The following ADRA1B variants were observed in gnomAD, a reference collection of about 807,000 sequenced individuals.
ADRA1B encodes adrenoceptor alpha 1B, also known as alpha-1B adrenergic receptor.
ADRA1B carries 17 observed loss-of-function variants against 17.9 expected under a neutral mutation model. That is an observed-to-expected ratio of 0.95 (90% CI 0.65 to 1.42). ADRA1B has a LOEUF of 1.42. Ranked by LOEUF, ADRA1B falls within the 40% of genes most tolerant of loss-of-function variation. The probability of loss-of-function intolerance (pLI) is 0.00; values close to 1 mark genes in which losing one functional copy is unlikely to be tolerated. For missense variants in ADRA1B, 681 were observed against 722.1 expected (o/e 0.94, Z 0.65); for synonymous variants, 366 against 327.6 (o/e 1.12, Z -1.27).
chr5:159,931,009 T>G (rs1334448984), intron 1 of ADRA1B, among the ~76,000 whole-genome samples: 1 of 147,366 alleles, frequency 6.8e-6, no homozygotes, highest in African/African-American at 2.5e-5. Context: ...TTTATAATAT[T>G]TATTATATAT....
intron 1 of ADRA1B, chr5:159,870,351 A>C (rs1753721201): frequency 6.6e-6 from 1 of 152,218 alleles, no homozygotes; most frequent in African/African-American, 2.4e-5. Context: ...CAGTTTGTGC[A>C]TCAAGACTCA....
chr5:159,940,305 A>G (rs1755091766), intron 1 of ADRA1B, among the ~76,000 whole-genome samples: 1 of 152,188 alleles, frequency 6.6e-6, no homozygotes, highest in African/African-American at 2.4e-5. Flanking sequence ...CCACATCGAT[A>G]TCTAATCAAC....
At chr5:159,937,875 T>C (rs981584970) in intron 1 of ADRA1B, 3 of 152,238 alleles carry the variant, frequency 2.0e-5, no homozygotes, top group African/African-American at 7.2e-5. Flanking sequence ...AGTTTGTCTT[T>C]AGTGACCCAT....
At chr5:159,971,361 T>G (rs541527297) in intron 1 of ADRA1B, among the ~76,000 whole-genome samples, 1 of 152,280 alleles carries the variant, frequency 6.6e-6, no homozygotes, top group South Asian at 2.1e-4. Context: ...TCTTCACCCC[T>G]AGATCAAAAA....
intron 1 of ADRA1B, among the ~76,000 whole-genome samples, chr5:159,967,143 C>T (rs970165264): frequency 3.3e-5 from 5 of 151,780 alleles, no homozygotes; most frequent in Admixed American, 3.3e-4. Flanking sequence ...TTTTGTAATA[C>T]GTATTTTTTA....
upstream of ADRA1B, among the ~76,000 whole-genome samples, chr5:159,913,163 G>T (rs1275990213): frequency 6.6e-6 from 1 of 152,174 alleles, no homozygotes; most frequent in East Asian, 1.9e-4. Flanking sequence ...AACATCAGAG[G>T]TTTCTAATGC....
chr5:159,982,553 T>G, the ADRA1B span, among the ~76,000 whole-genome samples: 5 of 152,152 alleles, frequency 3.3e-5, no homozygotes, highest in African/African-American at 1.2e-4. Flanking sequence ...TCAAGGTAAT[T>G]AGTCCAAGAT....
chr5:159,947,193 T>A (rs2113249852), intron 1 of ADRA1B, among the ~76,000 whole-genome samples: 1 of 151,952 alleles, frequency 6.6e-6, no homozygotes, highest in Admixed American at 6.6e-5. Context: ...AATAGAAAAA[T>A]TAGCGAGGTG....
At chr5:159,956,029 G>C (rs970679338) in intron 1 of ADRA1B, among the ~76,000 whole-genome samples, 1 of 152,150 alleles carries the variant, frequency 6.6e-6, no homozygotes, top group Non-Finnish European at 1.5e-5. Context: ...GATCACTTGA[G>C]CCCAAGGTTT....
intron 1 of ADRA1B, among the ~76,000 whole-genome samples, chr5:159,919,727 A>G (rs2113158064): frequency 6.6e-6 from 1 of 152,344 alleles, no homozygotes; most frequent in Non-Finnish European, 1.5e-5. Context: ...TCCAGCCTGC[A>G]GAGGCTGTGA....
chr5:159,944,433 A>C (rs1028342056), intron 1 of ADRA1B, among the ~76,000 whole-genome samples: 4 of 152,254 alleles, frequency 2.6e-5, no homozygotes, highest in African/African-American at 9.6e-5. Context: ...TTAATCAGTT[A>C]ATTATTGTAC....
rs561213342 is a variant in ADRA1B at position 159,950,596 on chromosome 5, G to A, written c.950-21283G>A. The A allele has an allele frequency of 1.5e-5, 15 of 1,019,882 alleles. No individual in the cohort carries two copies. In the African/African-American group the frequency reaches 2.3e-4, roughly 16 times the overall value. 63.2% of individuals were successfully genotyped at this position (1,019,882 alleles called of 1,614,324 possible). A position where few individuals can be genotyped will look rare whatever the true frequency, so the allele number is the denominator to read the frequency against. On this transcript the variant is annotated intron_variant, in intron 1 of 1. Transcript: ENST00000306675. ...GAGCTTGACAAAATGGTCTTTGAGG[G>A]CAATGCCGGCCCCAGCATCAAAGGT...
intron 1 of ADRA1B, among the ~76,000 whole-genome samples, chr5:159,876,889 C>T (rs532429582): frequency 2.6e-5 from 4 of 152,194 alleles, no homozygotes; most frequent in East Asian, 1.9e-4. Flanking sequence ...TCCCTTTCAC[C>T]GTTAGGGGCC....
At chr5:159,921,211 C>T (rs1198660021) in intron 1 of ADRA1B, among the ~76,000 whole-genome samples, 2 of 152,168 alleles carry the variant, frequency 1.3e-5, no homozygotes, top group South Asian at 2.1e-4. Flanking sequence ...CAATGTCCTC[C>T]CCACCCTTTC....
chr5:159,951,111 A>C, intron 1 of ADRA1B: 1 of 743,250 alleles, frequency 1.3e-6, no homozygotes, highest in South Asian at 1.3e-5. Flanking sequence ...CCCATCACGA[A>C]CATGGGGGCA....
At chr5:159,907,755 T>A (rs1449428484) in intron 1 of ADRA1B, among the ~76,000 whole-genome samples, 1 of 152,210 alleles carries the variant, frequency 6.6e-6, no homozygotes, top group Admixed American at 6.5e-5. Flanking sequence ...ATTTTACAGA[T>A]AAACAGATAG....
chr5:159,883,333 T>G (rs1753884219), intron 1 of ADRA1B, among the ~76,000 whole-genome samples: 1 of 152,200 alleles, frequency 6.6e-6, no homozygotes, highest in Admixed American at 6.5e-5. Context: ...ATGTTCCCTC[T>G]TCTAGGAACT....
Position 159,907,892 on chromosome 5 carries a change from G to A in ADRA1B, c.-255-8227G>A, listed in dbSNP as rs149725136. Among the ~76,000 whole-genome samples the A allele has an allele frequency of 4.6e-3, 693 of 152,092 alleles. 5 individuals carry two copies. Among genetic ancestry groups the A allele is most frequent in the South Asian group, 7.5e-3 (36 of 4,812 alleles). On this transcript the variant is annotated intron_variant, in intron 1 of 2. Coordinates refer to the ADRA1B transcript ENST00000641205. The stretch of plus-strand genomic sequence containing the variant: ...AGCTACTTCCTTAGGGCTAACTGGC[G>A]TTTCTCATGCTGTCTTTGTCTTTGG...
intron 1 of ADRA1B, among the ~76,000 whole-genome samples, chr5:159,966,238 A>G (rs1755774149): frequency 6.6e-6 from 1 of 152,254 alleles, no homozygotes; most frequent in Admixed American, 6.5e-5. Flanking sequence ...TCAGGGATTT[A>G]CAGGGACAAT....
Sources: gnomAD v4.1 joint callset for allele counts (sites outside exome capture counted in the v4.1 genomes callset) on GRCh38, gnomAD v4.1.1 for gene constraint, MANE v1.5 for transcripts, NCBI Gene and HGNC (gene_info 2026-07-23, HGNC 2026-07-21) for gene names.